DNM3: variants seen among roughly 807,000 people sequenced by gnomAD.
The protein encoded by DNM3 is dynamin 3, also known as dynamin-3.
In DNM3, 47 loss-of-function variants were observed where a neutral mutation model predicts 101.6. That is an observed-to-expected ratio of 0.46 (90% CI 0.37 to 0.59). The LOEUF (loss-of-function observed/expected upper bound fraction) is 0.59. Ranked by LOEUF, DNM3 falls within the 20% of genes least tolerant of loss-of-function variation. DNM3 has a pLI of 0.00. For synonymous variants in DNM3, 385 were observed against 387.9 expected (o/e 0.99, Z 0.09); for missense variants, 849 against 1,085.7 (o/e 0.78, Z 3.06).
intron 1 of DNM3, among the ~76,000 whole-genome samples, chr1:171,850,120 G>A (rs1193916640): frequency 6.6e-6 from 1 of 152,216 alleles, no homozygotes; most frequent in African/African-American, 2.4e-5. Context: ...CTTAGCAAGA[G>A]TATGGTCTGA....
At chr1:172,318,466 G>A (rs898870106) in intron 16 of DNM3, among the ~76,000 whole-genome samples, 19 of 152,238 alleles carry the variant, frequency 1.2e-4, no homozygotes, top group South Asian at 4.1e-4. Flanking sequence ...TGCAGACGAC[G>A]TGATTGTATA....
At position 172,014,727 on chromosome 1, in the gene DNM3, T is replaced by C. The variant is rs576948048; in HGVS notation, c.590-17675T>C. Among the ~76,000 whole-genome samples the C allele has an allele frequency of 2.0e-5, 3 of 152,286 alleles. No homozygotes were observed. The South Asian group carries it at 6.2e-4, about 32-fold the overall frequency. On this transcript the variant is annotated intron_variant, in intron 4 of 20. Coordinates refer to ENST00000627582, the MANE Select transcript of DNM3 (RefSeq NM_015569.5). Reference sequence around the variant, plus strand: ...TGTGGGGTTTCTTTTGCAATTGTTTTCTTCTAGTCTGTGACTTGTTTTCTC... The same window carrying C: ...TGTGGGGTTTCTTTTGCAATTGTTTCCTTCTAGTCTGTGACTTGTTTTCTC...
At chr1:172,312,468 T>A (rs1479925885) in intron 16 of DNM3, among the ~76,000 whole-genome samples, 1 of 152,214 alleles carries the variant, frequency 6.6e-6, no homozygotes, top group Non-Finnish European at 1.5e-5. Context: ...AGACAGATTT[T>A]ATTTTCTAGT....
chr1:171,994,722 T>C (rs964247680), intron 4 of DNM3, among the ~76,000 whole-genome samples: 3 of 151,964 alleles, frequency 2.0e-5, no homozygotes, highest in Non-Finnish European at 2.9e-5. Flanking sequence ...TCTTTCTTTT[T>C]TTTTTTGCCC....
intron 14 of DNM3, among the ~76,000 whole-genome samples, chr1:172,207,049 C>G (rs2060347760): frequency 6.6e-6 from 1 of 152,002 alleles, no homozygotes; most frequent in African/African-American, 2.4e-5. Flanking sequence ...TCTTAAGGAG[C>G]AGAAGCCTGT....
At chr1:172,238,983 T>TC (rs753239560) in intron 14 of DNM3, among the ~76,000 whole-genome samples, 1 of 152,210 alleles carries the variant, frequency 6.6e-6, no homozygotes, top group Non-Finnish European at 1.5e-5. Flanking sequence ...CTTGCCTTTT[T>TC]CCCCAAGTAC....
intron 12 of DNM3, among the ~76,000 whole-genome samples, chr1:172,086,756 G>A (rs763573303): frequency 3.3e-5 from 5 of 151,696 alleles, no homozygotes; most frequent in African/African-American, 7.3e-5. Context: ...CCTCTTAATT[G>A]CTACTAAACA....
intron 2 of DNM3, among the ~76,000 whole-genome samples, chr1:171,940,426 T>C (rs1056359301): frequency 6.6e-6 from 1 of 152,166 alleles, no homozygotes; most frequent in Non-Finnish European, 1.5e-5. Context: ...GTTTCAGTTG[T>C]TTTCCTGTTA....
chr1:172,051,256 C>T lies in DNM3; in HGVS notation c.1335+2506C>T, dbSNP rs191283695. Among the ~76,000 whole-genome samples the T allele has an allele frequency of 2.1e-3, 319 of 152,222 alleles. 1 individual carries two copies. In the Middle Eastern group the frequency reaches 0.027, roughly 13 times the overall value. On this transcript the variant is annotated intron_variant, in intron 10 of 20. Coordinates refer to ENST00000627582, the MANE Select transcript of DNM3 (RefSeq NM_015569.5). ...TATTCCTTCACCTTCTCATAGTCTT[C>T]CATTAAGGCCCAGGTGGTGCCAGCT...
chr1:172,075,159 A>T (rs1275533900), intron 11 of DNM3, among the ~76,000 whole-genome samples: 6 of 147,116 alleles, frequency 4.1e-5, no homozygotes, highest in East Asian at 2.0e-4. Context: ...CCACTTTTTG[A>T]TTTTTTTTTT....
At chr1:172,346,548 G>A (rs1337169255) in intron 17 of DNM3, among the ~76,000 whole-genome samples, 2 of 152,184 alleles carry the variant, frequency 1.3e-5, no homozygotes, top group African/African-American at 4.8e-5. Context: ...TAGGACTGAC[G>A]ACTAAGATAC....
At position 172,408,702 on chromosome 1, in the gene DNM3, ACTACACTT is replaced by A; in HGVS notation, c.*862_*869del. ...TTTACTTTTCTATTTGGCATAGCTA[ACTACACTT>A]TGATACTAACTCCAGTTTTACTATT... On this transcript the variant is annotated 3_prime_UTR_variant, in exon 21 of 21. Transcript: ENST00000627582. 1.0e-6 allele frequency: 1 copy of A among 984,900 alleles called. No individual in the cohort carries two copies. Among genetic ancestry groups the A allele is most frequent in the Non-Finnish European group, 1.2e-6 (1 of 829,468 alleles). 61.0% of individuals were successfully genotyped at this position (984,900 alleles called of 1,614,324 possible).
intron 17 of DNM3, among the ~76,000 whole-genome samples, chr1:172,339,518 C>A (rs971194380): frequency 6.6e-6 from 1 of 152,134 alleles, no homozygotes; most frequent in African/African-American, 2.4e-5. Flanking sequence ...GCTATGCTTA[C>A]GGGCCAAAGC....
chr1:171,988,967 T>C lies in DNM3; in HGVS notation c.408T>C (p.Asp136=), dbSNP rs1482329692. 6.3e-7 allele frequency: 1 copy of C among 1,596,652 alleles called. No individual in the cohort carries two copies. The part of the protein sequence containing the change: ...SPHVLNLTLI[D]LPGITKVPVG... The stretch of plus-strand genomic sequence containing the variant: ...CAGTGTTAAATCTAACCCTTATTGA[T>C]CTACCTGGAATAACTAAAGTGCCTG... Residue 136 remains aspartate, a synonymous_variant, in exon 4 of 21, where the codon GAT becomes GAC. Coordinates refer to ENST00000627582, the MANE Select transcript of DNM3 (RefSeq NM_015569.5).
chr1:172,020,161 C>T (rs1379856545), intron 4 of DNM3, among the ~76,000 whole-genome samples: 2 of 152,024 alleles, frequency 1.3e-5, no homozygotes, highest in Admixed American at 6.5e-5. Flanking sequence ...ATGCTGTAGT[C>T]CTGTGATTAG....
chr1:172,114,435 T>G (rs1329858892), intron 13 of DNM3, among the ~76,000 whole-genome samples: 4 of 152,196 alleles, frequency 2.6e-5, no homozygotes, highest in Non-Finnish European at 5.9e-5. Context: ...CTTCTACCTG[T>G]TTCGTACTCT....
chr1:172,367,116 T>A (rs2068060407), intron 17 of DNM3, among the ~76,000 whole-genome samples: 1 of 151,514 alleles, frequency 6.6e-6, no homozygotes, highest in Non-Finnish European at 1.5e-5. Flanking sequence ...AAGTGTTAAG[T>A]CACAGATAAG....
chr1:172,408,750 A>G lies in DNM3; in HGVS notation c.*909A>G. 1 of 984,798 alleles carries G rather than the reference A, an allele frequency of 1.0e-6. No homozygotes were observed. Among genetic ancestry groups the G allele is most frequent in the Non-Finnish European group, 1.2e-6 (1 of 829,482 alleles). 61.0% of individuals were successfully genotyped at this position (984,798 alleles called of 1,614,324 possible). A position where few individuals can be genotyped will look rare whatever the true frequency, so the allele number is the denominator to read the frequency against. On this transcript the variant is annotated 3_prime_UTR_variant, in exon 21 of 21. Transcript: ENST00000627582. ...GTTTTACTATTATTATTTTGGTTGGAAAAAAAATTCACTCTTTACGTGCTA... is the reference window on the plus strand; with the variant it reads ...GTTTTACTATTATTATTTTGGTTGGGAAAAAAATTCACTCTTTACGTGCTA...
chr1:172,182,507 T>A (rs1311800806), intron 14 of DNM3, among the ~76,000 whole-genome samples: 2 of 152,088 alleles, frequency 1.3e-5, no homozygotes, highest in African/African-American at 4.8e-5. Context: ...AGTCCAGCAA[T>A]AAATCCAACT....
Sources: allele counts gnomAD v4.1 joint callset (sites outside exome capture counted in the v4.1 genomes callset), GRCh38; gene constraint gnomAD v4.1.1; transcripts MANE v1.5; gene names NCBI Gene and HGNC (gene_info 2026-07-23, HGNC 2026-07-21).